The following MMP26 variants were observed in gnomAD, a reference collection of about 807,000 sequenced individuals.
MMP26 encodes the protein matrix metallopeptidase 26.
Under a neutral mutation model 31.0 loss-of-function variants are expected in MMP26, and 33 were observed. The observed-to-expected ratio is 1.06, with a 90% CI of 0.81 to 1.42. MMP26 has a LOEUF of 1.42. Ranked by LOEUF, MMP26 falls within the 40% of genes most tolerant of loss-of-function variation. MMP26 has a pLI of 0.00. For missense variants in MMP26, 347 were observed against 316.1 expected (o/e 1.10, Z -0.74); for synonymous variants, 122 against 114.9 (o/e 1.06, Z -0.40).
At chr11:4,919,435 A>T (rs1039177596) in intron 2 of MMP26, 1 of 152,200 alleles carries the variant, frequency 6.6e-6, no homozygotes, top group Non-Finnish European at 1.5e-5. Flanking sequence ...CCTTTCAAGG[A>T]TCTTTAACCA....
chr11:4,931,825 A>G (rs1851351828), intron 2 of MMP26, among the ~76,000 whole-genome samples: 2 of 152,082 alleles, frequency 1.3e-5, no homozygotes, highest in Admixed American at 1.3e-4. Flanking sequence ...GGTAGCATAC[A>G]TATAGGAGGC....
At chr11:4,793,960 A>G (rs17247598) in intron 2 of MMP26, 13,566 of 152,278 alleles carry the variant, frequency 0.089, 816 homozygotes, top group Middle Eastern at 0.16. Flanking sequence ...ATGTGCAGGA[A>G]CAGGGTGACA....
chr11:4,815,433 G>A (rs575191859), intron 2 of MMP26, among the ~76,000 whole-genome samples: 1 of 152,116 alleles, frequency 6.6e-6, no homozygotes, highest in Non-Finnish European at 1.5e-5. Flanking sequence ...ATACTTAGTA[G>A]CTAACTTTTA....
In MMP26 at chr11:4,955,092, G is replaced by C. The variant is rs547433825; in HGVS notation, c.-144-32976G>C. ...GCAATGAGAATAAAGTCTACCATAA[G>C]GCAGAGTGCTCCAAAAAAGCCATAG... On this transcript the variant is annotated intron_variant, in intron 2 of 7. Coordinates refer to ENST00000380390, the MANE Select transcript of MMP26 (RefSeq NM_021801.5). 15 of 1,426,154 alleles carry C rather than the reference G, an allele frequency of 1.1e-5. 2 individuals carry two copies. Among genetic ancestry groups the C allele is most frequent in the Admixed American group, 8.5e-5 (4 of 46,976 alleles). The allele number at this position is 1,426,154 out of a possible 1,614,324, so 88.3% of individuals were successfully genotyped here.
At chr11:4,908,155 C>A (rs1158958714) in intron 2 of MMP26, 4 of 1,614,206 alleles carry the variant, frequency 2.5e-6, no homozygotes, top group Non-Finnish European at 3.4e-6. Context: ...CCATGCATCA[C>A]TTTGCCAAGC....
chr11:4,887,339 A>G (rs1850558165), intron 2 of MMP26, among the ~76,000 whole-genome samples: 1 of 152,148 alleles, frequency 6.6e-6, no homozygotes, highest in African/African-American at 2.4e-5. Context: ...TTACAAATAC[A>G]TTAAACCTGT....
intron 2 of MMP26, chr11:4,908,014 G>A (rs572969669): frequency 6.2e-7 from 1 of 1,614,144 alleles, no homozygotes; most frequent in Admixed American, 1.7e-5. Flanking sequence ...TGATTGTTTT[G>A]TCTTATGTGC....
chr11:4,851,186 A>AT (rs1849970908), intron 2 of MMP26, among the ~76,000 whole-genome samples: 2 of 152,194 alleles, frequency 1.3e-5, no homozygotes, highest in African/African-American at 4.8e-5. Context: ...GTTGCCTAGC[A>AT]TTTTGGCAAG....
At chr11:4,927,295 G>C (rs984231599) in intron 2 of MMP26, among the ~76,000 whole-genome samples, 4 of 152,260 alleles carry the variant, frequency 2.6e-5, no homozygotes, top group African/African-American at 9.6e-5. Context: ...TTGTTACAAA[G>C]TGCTGTCAAA....
chr11:4,826,287 C>A (rs1178027665), intron 2 of MMP26, among the ~76,000 whole-genome samples: 1 of 152,088 alleles, frequency 6.6e-6, no homozygotes, highest in Admixed American at 6.6e-5. Flanking sequence ...AATGCGTTTC[C>A]ATGTGTGGCT....
chr11:4,837,626 G>A (rs925844823), intron 2 of MMP26, among the ~76,000 whole-genome samples: 1 of 152,024 alleles, frequency 6.6e-6, no homozygotes, highest in Admixed American at 6.5e-5. Context: ...TTTACTATTA[G>A]CAAAATCTAA....
intron 2 of MMP26, among the ~76,000 whole-genome samples, chr11:4,933,313 G>A (rs1851377382): frequency 6.6e-6 from 1 of 151,982 alleles, no homozygotes; most frequent in Non-Finnish European, 1.5e-5. Flanking sequence ...CTCGCAACCG[G>A]TATGAAGTAG....
chr11:4,720,141 C>T (rs898344749), intron 1 of MMP26, among the ~76,000 whole-genome samples: 14 of 152,232 alleles, frequency 9.2e-5, no homozygotes, highest in Non-Finnish European at 1.6e-4. Flanking sequence ...TGTCAGTAAC[C>T]GAACTGTATT....
intron 2 of MMP26, among the ~76,000 whole-genome samples, chr11:4,808,301 T>G (rs972079855): frequency 6.6e-6 from 1 of 151,932 alleles, no homozygotes; most frequent in African/African-American, 2.4e-5. Flanking sequence ...CCTGCCCAGG[T>G]TGGGGAAAGC....
At chr11:4,798,305 A>T (rs1401100732) in intron 2 of MMP26, among the ~76,000 whole-genome samples, 1 of 152,152 alleles carries the variant, frequency 6.6e-6, no homozygotes, top group African/African-American at 2.4e-5. Flanking sequence ...TGAGCCAGTG[A>T]CTTCAGGATT....
At chr11:4,968,285 T>TATC (rs1014123867) in intron 2 of MMP26, among the ~76,000 whole-genome samples, 1 of 152,084 alleles carries the variant, frequency 6.6e-6, no homozygotes, top group Non-Finnish European at 1.5e-5. Context: ...AAAGGTTAAT[T>TATC]ATCTTTTTTA....
chr11:4,804,758 G>A (rs1849241470), intron 2 of MMP26: 3 of 339,046 alleles, frequency 8.8e-6, no homozygotes, highest in Non-Finnish European at 1.7e-5. Flanking sequence ...CAGCCTGGCT[G>A]ACATAGTGGA....
chr11:4,895,829 G>T (rs1474362048), intron 2 of MMP26, among the ~76,000 whole-genome samples: 3 of 152,146 alleles, frequency 2.0e-5, no homozygotes, highest in African/African-American at 7.2e-5. Context: ...ACTCAGGAGG[G>T]TCACTTAAGC....
chr11:4,860,496 T>C (rs1275003196), intron 2 of MMP26: 1 of 471,084 alleles, frequency 2.1e-6, no homozygotes. Context: ...GGTTCTTGTC[T>C]GGCGTTCCTG....
Sources: gnomAD v4.1 joint callset for allele counts (sites outside exome capture counted in the v4.1 genomes callset) on GRCh38, gnomAD v4.1.1 for gene constraint, MANE v1.5 for transcripts, NCBI Gene and HGNC (gene_info 2026-07-23, HGNC 2026-07-21) for gene names.